DIAPH2: variants seen among roughly 807,000 people sequenced by gnomAD.
DIAPH2 encodes protein diaphanous homolog 2.
In DIAPH2, 35 loss-of-function variants were observed where a neutral mutation model predicts 92.7. That is an observed-to-expected ratio of 0.38 (90% confidence interval 0.29 to 0.50). The LOEUF (loss-of-function observed/expected upper bound fraction) is 0.50. Among genes scored for constraint, DIAPH2 ranks in the 20% least tolerant of loss-of-function variants. The probability of loss-of-function intolerance (pLI) is 0.94; values close to 1 mark genes in which losing one functional copy is unlikely to be tolerated. For synonymous variants in DIAPH2, 301 were observed against 280.4 expected (o/e 1.07, Z -0.73); for missense variants, 701 against 819.5 (o/e 0.86, Z 1.77).
intron 22 of DIAPH2, among the ~76,000 whole-genome samples, chrX:97,145,145 T>C (rs778483874): frequency 4.5e-5 from 5 of 112,039 alleles, no homozygotes; most frequent in Admixed American, 2.8e-4. Context: ...TCTAAGATTT[T>C]GTTTACTCAT....
chrX:96,705,198 T>A (rs1337703761), intron 1 of DIAPH2, among the ~76,000 whole-genome samples: 1 of 110,278 alleles, frequency 9.1e-6, no homozygotes, highest in African/African-American at 3.3e-5. Flanking sequence ...GGTCTTGAAC[T>A]GACCTCATGA....
intron 4 of DIAPH2, among the ~76,000 whole-genome samples, chrX:96,766,516 ACT>A (rs747899203): frequency 2.7e-5 from 3 of 111,286 alleles, no homozygotes; most frequent in Non-Finnish European, 5.7e-5. Flanking sequence ...ATGTAAGATC[ACT>A]GGTGAAAACC....
chrX:96,774,263 T>C (rs752929079), intron 4 of DIAPH2, among the ~76,000 whole-genome samples: 19 of 111,876 alleles, frequency 1.7e-4, no homozygotes, highest in Non-Finnish European at 1.3e-4. Context: ...AAGTAAGATT[T>C]GGTGGATTTC....
chrX:97,555,497 C>G, intron 26 of DIAPH2: 1 of 695,202 alleles, frequency 1.4e-6, no homozygotes, highest in Non-Finnish European at 1.7e-6. Flanking sequence ...TTTACAGAGA[C>G]ATCATTATAA....
chrX:96,797,825 T>C (rs977137682), intron 4 of DIAPH2, among the ~76,000 whole-genome samples: 24 of 112,916 alleles, frequency 2.1e-4, no homozygotes, highest in African/African-American at 7.4e-4. Context: ...GTAACATGTC[T>C]GTCTTTCTGA....
rs1569323133 is a variant in DIAPH2, at chrX:97,185,399, A to ATATATGTG, written c.2719+43610_2719+43611insGTGTATAT. The stretch of plus-strand genomic sequence containing the variant: ...TATATATGTATATATATATGTGTAT[A>ATATATGTG]TATATATATATGTATATATATATGT... On this transcript the variant is annotated intron_variant, in intron 22 of 26. Transcript: ENST00000324765. Among the ~76,000 whole-genome samples, 166 of 49,090 alleles carry ATATATGTG rather than the reference A, an allele frequency of 3.4e-3. 21 individuals carry two copies. Among genetic ancestry groups the ATATATGTG allele is most frequent in the South Asian group, 0.028 (27 of 962 alleles). 42.6% of individuals were successfully genotyped at this position (49,090 alleles called of 115,157 possible).
At chrX:97,244,713 T>A (rs2068124837) in intron 22 of DIAPH2, among the ~76,000 whole-genome samples, 2 of 111,717 alleles carry the variant, frequency 1.8e-5, no homozygotes, top group African/African-American at 6.5e-5. Flanking sequence ...TGGGAGAAAT[T>A]TAACAAGACC....
intron 26 of DIAPH2, among the ~76,000 whole-genome samples, chrX:97,497,581 G>A (rs1312213977): frequency 9.1e-6 from 1 of 110,315 alleles, no homozygotes; most frequent in Non-Finnish European, 1.9e-5. Flanking sequence ...CGAGTTTGGC[G>A]GATTACTTGA....
intron 26 of DIAPH2, among the ~76,000 whole-genome samples, chrX:97,451,195 G>T (rs1270589536): frequency 8.9e-6 from 1 of 111,818 alleles, no homozygotes; most frequent in Non-Finnish European, 1.9e-5. Flanking sequence ...GAGCTTTAAA[G>T]TGTTTAAAGA....
chrX:97,499,919 A>G (rs958409341), intron 26 of DIAPH2, among the ~76,000 whole-genome samples: 2 of 112,414 alleles, frequency 1.8e-5, no homozygotes, highest in Non-Finnish European at 3.8e-5. Flanking sequence ...CTGGCTGGAC[A>G]TGGCATAGGT....
intron 22 of DIAPH2, among the ~76,000 whole-genome samples, chrX:97,176,568 C>T (rs964746197): frequency 2.7e-5 from 3 of 111,029 alleles, no homozygotes; most frequent in Non-Finnish European, 3.8e-5. Context: ...TGCTTTGTCG[C>T]CCAGGCTGGA....
intron 26 of DIAPH2, among the ~76,000 whole-genome samples, chrX:97,435,536 A>G (rs2070174088): frequency 1.8e-5 from 2 of 111,778 alleles, no homozygotes; most frequent in Non-Finnish European, 3.8e-5. Flanking sequence ...TATTCTTTCT[A>G]GCAGTTTGGT....
intron 19 of DIAPH2, among the ~76,000 whole-genome samples, chrX:97,080,080 C>G (rs2066730948): frequency 9.0e-6 from 1 of 110,625 alleles, no homozygotes; most frequent in Non-Finnish European, 1.9e-5. Flanking sequence ...TGTCTGGTGT[C>G]CTATCTATTG....
intron 26 of DIAPH2, among the ~76,000 whole-genome samples, chrX:97,524,328 G>A (rs577003293): frequency 2.7e-5 from 3 of 111,935 alleles, no homozygotes; most frequent in African/African-American, 9.7e-5. Flanking sequence ...ATTCTATGCC[G>A]GAGAAATCAT....
At chrX:97,336,390 C>T (rs1377548828) in intron 23 of DIAPH2, among the ~76,000 whole-genome samples, 3 of 107,842 alleles carry the variant, frequency 2.8e-5, no homozygotes, top group South Asian at 4.2e-4. Flanking sequence ...GGACTACAGG[C>T]GCCCGCCACC....
At chrX:96,762,983 A>G in intron 4 of DIAPH2, 2 of 393,896 alleles carry the variant, frequency 5.1e-6, no homozygotes, top group South Asian at 4.1e-5. Context: ...AAATAGGGTT[A>G]GCTATTTACT....
rs765557107 is a variant in DIAPH2, at chrX:97,171,122, C to A, written c.2719+29328C>A. ...CTGCTGACCTCAGGCAATCCACCCG[C>A]CTCGGCCTCCCAAAGTGCTGGGATT... is the stretch of plus-strand genomic sequence containing the variant. On this transcript the variant is annotated intron_variant, in intron 22 of 26. Transcript: ENST00000324765. Among the ~76,000 whole-genome samples, 50 of 111,705 alleles carry A rather than the reference C, an allele frequency of 4.5e-4. 1 individual carries two copies. Among genetic ancestry groups the A allele is most frequent in the Non-Finnish European group, 7.5e-5 (4 of 53,139 alleles).
chrX:96,751,658 T>G lies in DIAPH2; in HGVS notation c.343-6496T>G, dbSNP rs749410169. Among the ~76,000 whole-genome samples the G allele has an allele frequency of 6.4e-5, 5 of 78,280 alleles. 1 individual carries two copies. Among genetic ancestry groups the G allele is most frequent in the South Asian group, 1.5e-3 (2 of 1,365 alleles). 68.0% of individuals were successfully genotyped at this position (78,280 alleles called of 115,157 possible). On this transcript the variant is annotated intron_variant, in intron 3 of 26. Coordinates refer to ENST00000324765, the MANE Select transcript of DIAPH2 (RefSeq NM_006729.5). ...AACTAGACTTCAGTGTTTTGTTTTT[T>G]TTTTTTTTTTTTTGAGACGAAGTCT...
intron 20 of DIAPH2, among the ~76,000 whole-genome samples, chrX:97,112,797 A>G (rs1265025399): frequency 6.5e-5 from 2 of 30,986 alleles, no homozygotes; most frequent in Non-Finnish European, 1.1e-4. Context: ...TTTTTTTTTG[A>G]GACAGGGTCT....
Sources: allele counts gnomAD v4.1 joint callset (sites outside exome capture counted in the v4.1 genomes callset), GRCh38; gene constraint gnomAD v4.1.1; transcripts MANE v1.5; gene names NCBI Gene and HGNC (gene_info 2026-07-23, HGNC 2026-07-21).